SNX29: variants seen among roughly 807,000 people sequenced by gnomAD.
SNX29 encodes sorting nexin-29.
Under a neutral mutation model 102.1 loss-of-function variants are expected in SNX29, and 78 were observed. The observed-to-expected ratio is 0.76, with a 90% CI of 0.64 to 0.92. The LOEUF is 0.92. Among genes scored for constraint, SNX29 ranks in the 40% least tolerant of loss-of-function variants. The pLI, the probability that SNX29 is intolerant of heterozygous loss-of-function variation, is 0.00. For missense variants in SNX29, 1,280 were observed against 1,061.7 expected, an observed-to-expected ratio of 1.21 and a Z score of -2.86; for synonymous variants, 580 against 414.5, an observed-to-expected ratio of 1.40 and a Z score of -4.85.
chr16:12,549,739 G>C (rs1172317794), intron 20 of SNX29, among the ~76,000 whole-genome samples: 2 of 152,220 alleles, frequency 1.3e-5, no homozygotes, highest in African/African-American at 4.8e-5. Context: ...GTGTGTTCCA[G>C]CATTTACTTT....
chr16:12,474,722 C>T (rs1209796050), intron 18 of SNX29, among the ~76,000 whole-genome samples: 1 of 152,218 alleles, frequency 6.6e-6, no homozygotes, highest in African/African-American at 2.4e-5. Context: ...AGGCTTTACC[C>T]TGTGGGCTGT....
At chr16:12,130,904 A>G (rs936279126) in intron 13 of SNX29, among the ~76,000 whole-genome samples, 1 of 152,158 alleles carries the variant, frequency 6.6e-6, no homozygotes, top group African/African-American at 2.4e-5. Context: ...GCCTGCTGAC[A>G]GCGAGGCACC....
chr16:12,266,871 C>G (rs998812173), intron 14 of SNX29, among the ~76,000 whole-genome samples: 4 of 152,166 alleles, frequency 2.6e-5, no homozygotes, highest in Non-Finnish European at 4.4e-5. Context: ...TCAAGTGATT[C>G]TCCTGCCTCA....
intron 4 of SNX29, among the ~76,000 whole-genome samples, chr16:12,039,087 C>T (rs1048394178): frequency 2.0e-5 from 3 of 152,154 alleles, no homozygotes; most frequent in African/African-American, 7.2e-5. Context: ...CTAAATGATC[C>T]CAGTGATTGG....
intron 8 of SNX29, among the ~76,000 whole-genome samples, chr16:12,057,328 T>A (rs2050561435): frequency 6.6e-6 from 1 of 152,150 alleles, no homozygotes; most frequent in Non-Finnish European, 1.5e-5. Context: ...AAGGGAAAGA[T>A]CTTGCTGTCA....
At chr16:12,084,803 G>A (rs141323413) in intron 11 of SNX29, among the ~76,000 whole-genome samples, 1,627 of 152,166 alleles carry the variant, frequency 0.011, 26 homozygotes, top group South Asian at 0.043. Flanking sequence ...GTGCAGTGGC[G>A]CACACCTGTA....
At chr16:12,537,729 T>C (rs1005759875) in intron 20 of SNX29, among the ~76,000 whole-genome samples, 17 of 152,156 alleles carry the variant, frequency 1.1e-4, no homozygotes, top group African/African-American at 2.4e-4. Context: ...AGAGTAGGTA[T>C]TTTTGGCACA....
At chr16:12,431,258 C>T (rs58775476) in intron 18 of SNX29, among the ~76,000 whole-genome samples, 3 of 152,124 alleles carry the variant, frequency 2.0e-5, no homozygotes, top group East Asian at 1.9e-4. Flanking sequence ...AGGGGAAGAG[C>T]GGGCAGGTAG....
intron 13 of SNX29, among the ~76,000 whole-genome samples, chr16:12,171,133 C>T (rs2076141299): frequency 6.6e-6 from 1 of 152,078 alleles, no homozygotes; most frequent in South Asian, 2.1e-4. Context: ...ACAGCCTCAC[C>T]CTCCTGCCTG....
At chr16:12,550,001 A>G (rs554171156) in intron 20 of SNX29, among the ~76,000 whole-genome samples, 5 of 152,364 alleles carry the variant, frequency 3.3e-5, no homozygotes, top group South Asian at 2.1e-4. Context: ...GCTTCTTATT[A>G]TAAGGGCAAA....
At chr16:12,281,836 C>T (rs549814588) in intron 15 of SNX29, among the ~76,000 whole-genome samples, 9 of 152,080 alleles carry the variant, frequency 5.9e-5, no homozygotes, top group South Asian at 4.2e-4. Context: ...TTTGAGAGAA[C>T]GAGGCGGGTG....
chr16:12,310,038 GCACACATATGTA>G (rs1165551541), intron 15 of SNX29, among the ~76,000 whole-genome samples: 2 of 73,324 alleles, frequency 2.7e-5, no homozygotes, highest in East Asian at 1.1e-3. Context: ...ATGGATGTGT[GCACACATATGTA>G]CACACACGCA....
rs189107785 is a variant in SNX29, at chr16:12,262,152, G to A, written c.1679-15781G>A. ...CGCGCGTCCCCAGCTGAAGTGAGTG[G>A]TTGTTGAGCTCGGGTCTGTGCACGT... On this transcript the variant is annotated intron_variant, in intron 14 of 20. Coordinates refer to ENST00000566228, the MANE Select transcript of SNX29 (RefSeq NM_032167.5). Among the ~76,000 whole-genome samples, 586 of 139,236 alleles carry A rather than the reference G, an allele frequency of 4.2e-3. 10 individuals are homozygous for A. Among genetic ancestry groups the A allele is most frequent in the African/African-American group, 0.015 (543 of 37,212 alleles). 91.3% of individuals were successfully genotyped at this position (139,236 alleles called of 152,430 possible).
intron 20 of SNX29, chr16:12,546,217 C>T (rs555609025): frequency 6.6e-6 from 1 of 152,336 alleles, no homozygotes; most frequent in African/African-American, 2.4e-5. Context: ...AGGAGGTACT[C>T]ATTGCTGTAG....
chr16:11,989,592 C>A (rs2055765930), intron 1 of SNX29, among the ~76,000 whole-genome samples: 1 of 152,208 alleles, frequency 6.6e-6, no homozygotes, highest in Admixed American at 6.5e-5. Flanking sequence ...TGTGCCCTGG[C>A]CAGTTCTGGT....
chr16:12,205,843 C>A (rs569898146), intron 14 of SNX29, among the ~76,000 whole-genome samples: 7 of 152,196 alleles, frequency 4.6e-5, no homozygotes, highest in Non-Finnish European at 1.0e-4. Context: ...ATGTCTTTTC[C>A]CCTGCTGTGT....
chr16:12,534,834 G>T (rs1236213293), intron 20 of SNX29, among the ~76,000 whole-genome samples: 31 of 152,180 alleles, frequency 2.0e-4, no homozygotes, highest in Admixed American at 2.0e-3. Context: ...AGCTGGGAGT[G>T]AATGCAGACA....
intron 13 of SNX29, among the ~76,000 whole-genome samples, chr16:12,145,123 A>G (rs2055013028): frequency 6.6e-6 from 1 of 152,186 alleles, no homozygotes; most frequent in Non-Finnish European, 1.5e-5. Context: ...GTTTCAGATT[A>G]AGATATACAC....
Position 12,565,803 on chromosome 16 carries a change from A to G in SNX29, c.2319-2703A>G, listed in dbSNP as rs557927597. On this transcript the variant is annotated intron_variant, in intron 20 of 20. Coordinates refer to ENST00000566228, the MANE Select transcript of SNX29 (RefSeq NM_032167.5). ...ACATCTAGAGGGCCCTTTACACAGCAACCCTCAGCTCACTTCTGGTCACCC... is the reference window on the plus strand; with the variant it reads ...ACATCTAGAGGGCCCTTTACACAGCGACCCTCAGCTCACTTCTGGTCACCC... Among the ~76,000 whole-genome samples the G allele has an allele frequency of 6.3e-4, 96 of 152,104 alleles. 1 individual carries two copies. Among genetic ancestry groups the G allele is most frequent in the African/African-American group, 2.2e-3 (91 of 41,492 alleles).
Sources: gnomAD v4.1 joint callset for allele counts (sites outside exome capture counted in the v4.1 genomes callset) on GRCh38, gnomAD v4.1.1 for gene constraint, MANE v1.5 for transcripts, NCBI Gene and HGNC (gene_info 2026-07-23, HGNC 2026-07-21) for gene names.